Variants in FSTL5 observed in about 807,000 individuals in gnomAD.
The protein encoded by FSTL5 is follistatin-related protein 5.
Under a neutral mutation model 89.1 loss-of-function variants are expected in FSTL5, and 62 were observed. That is an observed-to-expected ratio of 0.70 (90% CI 0.57 to 0.86). FSTL5 has a LOEUF of 0.86. Among genes scored for constraint, FSTL5 ranks in the 40% least tolerant of loss-of-function variants. The pLI is 0.00. For synonymous variants in FSTL5, 383 were observed against 346.2 expected (o/e 1.11, Z -1.18); for missense variants, 1,057 against 1,001.6 (o/e 1.06, Z -0.75).
At chr4:161,988,846 A>T (rs11100404) in intron 3 of FSTL5, among the ~76,000 whole-genome samples, 8,362 of 152,238 alleles carry the variant, frequency 0.055, 260 homozygotes, top group Non-Finnish European at 0.077. Context: ...TTTTCAGATA[A>T]TTTCTTGTGA....
chr4:162,100,853 G>A (rs796263341), intron 2 of FSTL5, among the ~76,000 whole-genome samples: 1 of 152,298 alleles, frequency 6.6e-6, no homozygotes, highest in South Asian at 2.1e-4. Flanking sequence ...GAAAAAAGCA[G>A]TGAGAAAGAG....
intron 8 of FSTL5, among the ~76,000 whole-genome samples, chr4:161,555,976 T>C (rs1319526469): frequency 6.6e-6 from 1 of 151,600 alleles, no homozygotes; most frequent in Admixed American, 6.6e-5. Flanking sequence ...AAGAAAACTA[T>C]AATTGATCAA....
intron 12 of FSTL5, among the ~76,000 whole-genome samples, chr4:161,489,297 G>C (rs1446685616): frequency 1.3e-5 from 2 of 152,060 alleles, no homozygotes; most frequent in African/African-American, 2.4e-5. Context: ...GAACAGGAGA[G>C]GCAGGCACTT....
At chr4:161,653,478 G>T (rs1332489509) in intron 7 of FSTL5, among the ~76,000 whole-genome samples, 7 of 152,132 alleles carry the variant, frequency 4.6e-5, no homozygotes, top group Admixed American at 4.6e-4. Flanking sequence ...GGCTAAACAA[G>T]TAAGATTTTT....
intron 4 of FSTL5, among the ~76,000 whole-genome samples, chr4:161,919,480 G>C (rs1293254776): frequency 6.6e-6 from 1 of 152,130 alleles, no homozygotes; most frequent in Non-Finnish European, 1.5e-5. Flanking sequence ...ACCTTAATAG[G>C]TGGATGAGTG....
chr4:161,744,928 T>A (rs1212292577), intron 6 of FSTL5, among the ~76,000 whole-genome samples: 1 of 152,022 alleles, frequency 6.6e-6, no homozygotes, highest in Non-Finnish European at 1.5e-5. Context: ...AAAGGCCATG[T>A]AATACAAATT....
At chr4:161,958,802 CT>C (rs1368720646) in intron 3 of FSTL5, among the ~76,000 whole-genome samples, 1 of 152,130 alleles carries the variant, frequency 6.6e-6, no homozygotes, top group African/African-American at 2.4e-5. Flanking sequence ...AGATTGCTAA[CT>C]TTGAAGCCAT....
At chr4:162,137,897 G>A (rs1194851191) in intron 1 of FSTL5, among the ~76,000 whole-genome samples, 1 of 151,986 alleles carries the variant, frequency 6.6e-6, no homozygotes, top group African/African-American at 2.4e-5. Context: ...CTTTTAGGGA[G>A]GATAAAAAGT....
At chr4:161,424,024 CTTTTTTTTTTTTTTT>C (rs11287729) in intron 15 of FSTL5, among the ~76,000 whole-genome samples, 5 of 75,378 alleles carry the variant, frequency 6.6e-5, no homozygotes, top group South Asian at 5.5e-4. Flanking sequence ...GCCCATCATT[CTTTTTTTTTTTTTTT>C]TTTTTTTTTT....
intron 6 of FSTL5, among the ~76,000 whole-genome samples, chr4:161,674,823 A>G (rs918218485): frequency 3.9e-5 from 6 of 152,072 alleles, no homozygotes; most frequent in Non-Finnish European, 7.4e-5. Flanking sequence ...GACATACCCT[A>G]CTCTGTTTAG....
chr4:161,818,294 C>G (rs1044201406), intron 4 of FSTL5, among the ~76,000 whole-genome samples: 3 of 152,186 alleles, frequency 2.0e-5, no homozygotes, highest in Admixed American at 1.3e-4. Flanking sequence ...CCGGCTCCCC[C>G]ACCTGCTGAG....
At chr4:161,737,265 T>C (rs1293611915) in intron 6 of FSTL5, among the ~76,000 whole-genome samples, 1 of 151,822 alleles carries the variant, frequency 6.6e-6, no homozygotes, top group East Asian at 1.9e-4. Context: ...TTATGGAAAA[T>C]GAGGAAAATG....
At chr4:161,638,372 A>C (rs2126664898) in intron 7 of FSTL5, among the ~76,000 whole-genome samples, 1 of 152,144 alleles carries the variant, frequency 6.6e-6, no homozygotes, top group Middle Eastern at 3.4e-3. Context: ...GGGCTGAGAC[A>C]ATGGGGTTTT....
chr4:161,479,173 TG>T (rs1328213649), intron 13 of FSTL5, among the ~76,000 whole-genome samples: 3 of 152,108 alleles, frequency 2.0e-5, no homozygotes, highest in Admixed American at 6.5e-5. Context: ...CAATCATGAT[TG>T]TATCATATTA....
At chr4:161,389,112 T>C (rs1333545492) in intron 15 of FSTL5, among the ~76,000 whole-genome samples, 1 of 152,004 alleles carries the variant, frequency 6.6e-6, no homozygotes, top group African/African-American at 2.4e-5. Context: ...AATTCAAAAT[T>C]TCCCCTAGTA....
intron 12 of FSTL5, among the ~76,000 whole-genome samples, chr4:161,495,998 C>A (rs1392415140): frequency 2.0e-5 from 3 of 151,990 alleles, no homozygotes; most frequent in Non-Finnish European, 4.4e-5. Flanking sequence ...TGAAACAATT[C>A]AATAATAAAT....
intron 4 of FSTL5, among the ~76,000 whole-genome samples, chr4:161,845,725 C>T (rs996686148): frequency 1.3e-5 from 2 of 152,036 alleles, no homozygotes; most frequent in African/African-American, 4.8e-5. Context: ...TTATTCTTAG[C>T]TGGTATCTTT....
chr4:161,776,542 C>T (rs1331501145), intron 4 of FSTL5, among the ~76,000 whole-genome samples: 1 of 100,732 alleles, frequency 9.9e-6, no homozygotes, highest in East Asian at 2.8e-4. Context: ...TATATGCATA[C>T]ATATACGTAT....
chr4:161,476,803 G>A (rs1233785166), intron 13 of FSTL5, among the ~76,000 whole-genome samples: 1 of 152,190 alleles, frequency 6.6e-6, no homozygotes, highest in African/African-American at 2.4e-5. Context: ...TGAGCAAGGT[G>A]TGGCAACAAT....
Sources: allele counts gnomAD v4.1 joint callset (sites outside exome capture counted in the v4.1 genomes callset), GRCh38; gene constraint gnomAD v4.1.1; transcripts MANE v1.5; gene names NCBI Gene and HGNC (gene_info 2026-07-23, HGNC 2026-07-21).